The following SHOC1 variants were observed in gnomAD, a reference collection of about 807,000 sequenced individuals.
SHOC1 encodes the protein shortage in chiasmata 1.
A neutral mutation model predicts 179.2 loss-of-function variants in SHOC1; 136 were observed. The ratio of observed to expected loss-of-function variants is 0.76; its 90% CI spans 0.66 to 0.87. The LOEUF (loss-of-function observed/expected upper bound fraction) is 0.87. SHOC1 is among the 40% of genes least tolerant of loss of function. SHOC1 has a pLI of 0.00. For synonymous variants in SHOC1, 489 were observed against 586.6 expected, an observed-to-expected ratio of 0.83 and a Z score of 2.41; for missense variants, 1,538 against 1,700.8, an observed-to-expected ratio of 0.90 and a Z score of 1.68.
chr9:111,742,151 C>T (rs2131503250), intron 10 of SHOC1, among the ~76,000 whole-genome samples: 1 of 152,240 alleles, frequency 6.6e-6, no homozygotes, highest in East Asian at 1.9e-4. Flanking sequence ...TCAATGGAAC[C>T]TGGAGCCAGA....
In SHOC1 at chr9:111,696,059, G is replaced by A. The variant is rs756910666; in HGVS notation, c.3184-1697C>T. ...AATTTATTAGGGCAGGAATTCTGGG[G>A]CTCATGGCTAGATTTGGGAATTCAG... is the stretch of plus-strand genomic sequence containing the variant. On this transcript the variant is annotated intron_variant, in intron 24 of 27. Coordinates refer to ENST00000682961, the MANE Select transcript of SHOC1 (RefSeq NM_001378211.1). Among the ~76,000 whole-genome samples the A allele has an allele frequency of 4.6e-5, 7 of 152,190 alleles. No homozygotes were observed. The East Asian group carries it at 7.7e-4, about 17-fold the overall frequency.
Position 111,722,433 on chromosome 9 carries a change from C to G in SHOC1, c.2107G>C (p.Val703Leu). Residue 703 changes from valine to leucine, a missense_variant, in exon 15 of 28, where the codon GTA becomes CTA. Physicochemically the swap from Val to Leu is conservative, Grantham distance 32. Coordinates refer to ENST00000682961, the MANE Select transcript of SHOC1 (RefSeq NM_001378211.1). ...CCTTGGCGAACAGCATCACTTACTA[C>G]TTTTTCTTGTTCCTTTAAGAGAAAC... is the stretch of plus-strand genomic sequence containing the variant. ...TRFLLKEQEK[V>L]VSDAVRQGTI... 6.2e-7 allele frequency: 1 copy of G among 1,603,688 alleles called. No homozygotes were observed. Among genetic ancestry groups the G allele is most frequent in the Non-Finnish European group, 8.5e-7 (1 of 1,177,792 alleles).
At chr9:111,777,582 T>A (rs1835883812) in intron 4 of SHOC1, among the ~76,000 whole-genome samples, 1 of 152,204 alleles carries the variant, frequency 6.6e-6, no homozygotes, top group Admixed American at 6.5e-5. Flanking sequence ...TGAGGACATC[T>A]TTTTGGCTCT....
At chr9:111,734,035 T>C (rs1452595420) in intron 12 of SHOC1, among the ~76,000 whole-genome samples, 1 of 152,170 alleles carries the variant, frequency 6.6e-6, no homozygotes, top group Non-Finnish European at 1.5e-5. Flanking sequence ...TATTATTCTC[T>C]CTTTAAGCAC....
chr9:111,700,217 A>C (rs935867340), intron 23 of SHOC1, among the ~76,000 whole-genome samples, 170 bp from the exon 24 acceptor site: 2 of 152,068 alleles, frequency 1.3e-5, no homozygotes, highest in Admixed American at 6.6e-5. Flanking sequence ...TCTTGAAAAA[A>C]CATCTCCATC....
At chr9:111,690,212 C>G (rs902018240) in intron 27 of SHOC1, among the ~76,000 whole-genome samples, 1 of 152,006 alleles carries the variant, frequency 6.6e-6, no homozygotes, top group African/African-American at 2.4e-5. Flanking sequence ...TTACTTGAGC[C>G]GAGGAGTTCG....
At chr9:111,759,808 T>C (rs1464790682) in intron 5 of SHOC1, among the ~76,000 whole-genome samples, 1 of 152,172 alleles carries the variant, frequency 6.6e-6, no homozygotes, top group Non-Finnish European at 1.5e-5. Context: ...AACTACATAA[T>C]TGGTATGCAG....
chr9:111,792,546 G>A (rs1836484029), intron 1 of SHOC1, among the ~76,000 whole-genome samples: 1 of 152,058 alleles, frequency 6.6e-6, no homozygotes, highest in South Asian at 2.1e-4. Context: ...AGGTTGCAGT[G>A]ACCCAAGATC....
At chr9:111,754,301 A>C (rs1834752512) in intron 8 of SHOC1, among the ~76,000 whole-genome samples, 1 of 152,228 alleles carries the variant, frequency 6.6e-6, no homozygotes, top group South Asian at 2.1e-4. Context: ...AAATGGGCAA[A>C]GGATCTGAGT....
Position 111,697,356 on chromosome 9 carries a change from G to A in SHOC1, c.3183+2598C>T, listed in dbSNP as rs192753398. The stretch of plus-strand genomic sequence containing the variant: ...TCACTCCCACCTCCCGCCACCCCAC[G>A]ACAGGCCCCGGTGTGTGATGTTCCC... On this transcript the variant is annotated intron_variant, in intron 24 of 27. Coordinates refer to ENST00000682961, the MANE Select transcript of SHOC1 (RefSeq NM_001378211.1). Among the ~76,000 whole-genome samples, 47 of 152,046 alleles carry A rather than the reference G, an allele frequency of 3.1e-4. 1 individual carries two copies. In the East Asian group the frequency reaches 6.0e-3, roughly 19 times the overall value.
intron 5 of SHOC1, among the ~76,000 whole-genome samples, chr9:111,763,259 A>G (rs974617251): frequency 6.6e-6 from 1 of 152,116 alleles, no homozygotes; most frequent in Non-Finnish European, 1.5e-5. Flanking sequence ...GAAAATTATC[A>G]TCAAAGAAAT....
intron 15 of SHOC1, among the ~76,000 whole-genome samples, chr9:111,721,268 T>A (rs1224978246): frequency 6.6e-6 from 1 of 152,190 alleles, no homozygotes; most frequent in East Asian, 1.9e-4. Flanking sequence ...AGCATAGTAG[T>A]CCCTCTAGTC....
intron 27 of SHOC1, among the ~76,000 whole-genome samples, chr9:111,690,440 T>A (rs945352788): frequency 1.3e-5 from 2 of 151,926 alleles, no homozygotes; most frequent in Admixed American, 6.6e-5. Context: ...ACAAAAAATC[T>A]CTTAGACAAG....
chr9:111,726,512 C>G (rs559671232), intron 13 of SHOC1, among the ~76,000 whole-genome samples: 1 of 152,166 alleles, frequency 6.6e-6, no homozygotes, highest in Non-Finnish European at 1.5e-5. Context: ...ATCCTCCTGC[C>G]TCGGCCTTCC....
At chr9:111,764,868 C>T (rs1348460041) in intron 5 of SHOC1, among the ~76,000 whole-genome samples, 1 of 152,058 alleles carries the variant, frequency 6.6e-6, no homozygotes, top group Admixed American at 6.6e-5. Flanking sequence ...TGGCCATGCA[C>T]GGTGGCTCAC....
At chr9:111,717,917 T>C (rs532560120) in intron 16 of SHOC1, among the ~76,000 whole-genome samples, 39 of 152,166 alleles carry the variant, frequency 2.6e-4, no homozygotes, top group Non-Finnish European at 4.7e-4. Flanking sequence ...ATGATAATGA[T>C]TATACAATCA....
chr9:111,688,143 TG>T (rs1831265062), intron 27 of SHOC1, among the ~76,000 whole-genome samples: 1 of 152,212 alleles, frequency 6.6e-6, no homozygotes, highest in Admixed American at 6.5e-5. Context: ...AGGCCTGGTT[TG>T]TAGCATCTGC....
intron 24 of SHOC1, among the ~76,000 whole-genome samples, chr9:111,695,031 T>C (rs1175978812): frequency 6.6e-6 from 1 of 152,130 alleles, no homozygotes; most frequent in Non-Finnish European, 1.5e-5. Context: ...AATAATTTCA[T>C]AATATCCTCT....
intron 12 of SHOC1, among the ~76,000 whole-genome samples, chr9:111,733,558 A>G (rs1564133855): frequency 6.6e-6 from 1 of 152,172 alleles, no homozygotes; most frequent in East Asian, 1.9e-4. Flanking sequence ...TATATGTGAA[A>G]TCTGCCAAAT....
Sources: allele counts gnomAD v4.1 joint callset (sites outside exome capture counted in the v4.1 genomes callset), GRCh38; gene constraint gnomAD v4.1.1; transcripts MANE v1.5; gene names NCBI Gene and HGNC (gene_info 2026-07-23, HGNC 2026-07-21).